The following BANP variants were observed in gnomAD, a reference collection of about 807,000 sequenced individuals.
BANP encodes protein BANP.
Under a neutral mutation model 68.1 loss-of-function variants are expected in BANP, and 11 were observed. That is an observed-to-expected ratio of 0.16 (90% CI 0.10 to 0.27). The LOEUF (loss-of-function observed/expected upper bound fraction) is 0.27. Ranked by LOEUF, BANP falls within the 10% of genes least tolerant of loss-of-function variation. BANP has a pLI of 1.00. For missense variants in BANP, 504 were observed against 722.7 expected (o/e 0.70, Z 3.47); for synonymous variants, 329 against 303.2 (o/e 1.09, Z -0.88).
chr16:88,035,055 A>T lies in BANP; in HGVS notation c.1201-268A>T. 6.7e-6 allele frequency: 3 copies of T among 450,068 alleles called. No individual in the cohort carries two copies. In the South Asian group the frequency reaches 7.2e-5, roughly 11 times the overall value. 27.9% of individuals were successfully genotyped at this position (450,068 alleles called of 1,614,324 possible). A position where few individuals can be genotyped will look rare whatever the true frequency, so the allele number is the denominator to read the frequency against. On this transcript the variant is annotated intron_variant, in intron 9 of 13. Coordinates refer to ENST00000682872, the MANE Select transcript of BANP (RefSeq NM_001386991.1). Reference sequence around the variant, plus strand: ...ATATGGGCGGGAAAAAGCATAGCATATATGGGGTTCAGCACCATCCACAGT... The same window carrying T: ...ATATGGGCGGGAAAAAGCATAGCATTTATGGGGTTCAGCACCATCCACAGT...
chr16:87,983,108 C>T (rs1388461333), intron 3 of BANP, among the ~76,000 whole-genome samples: 1 of 152,120 alleles, frequency 6.6e-6, no homozygotes, highest in East Asian at 1.9e-4. Flanking sequence ...CTTTGGACCC[C>T]ACGCTCTTTA....
intron 4 of BANP, among the ~76,000 whole-genome samples, chr16:87,997,682 C>T (rs796957260): frequency 6.7e-6 from 1 of 149,050 alleles, no homozygotes; most frequent in South Asian, 2.1e-4. Flanking sequence ...ACCATGTGTT[C>T]GTGGTAAAGT....
intron 1 of BANP, among the ~76,000 whole-genome samples, chr16:87,973,753 C>CAAAAAAA (rs58334556): frequency 1.2e-3 from 114 of 98,992 alleles, no homozygotes; most frequent in South Asian, 3.1e-3. Flanking sequence ...AACTCCATCA[C>CAAAAAAA]AAAAAAAAAA....
At chr16:87,967,898 G>A (rs1420054718) in intron 1 of BANP, among the ~76,000 whole-genome samples, 1 of 151,938 alleles carries the variant, frequency 6.6e-6, no homozygotes, top group East Asian at 1.9e-4. Flanking sequence ...TGGGATTACA[G>A]GTGTGAGCCA....
intron 4 of BANP, among the ~76,000 whole-genome samples, chr16:87,987,569 TA>T (rs944256186): frequency 6.7e-6 from 1 of 149,942 alleles, no homozygotes; most frequent in Non-Finnish European, 1.5e-5. Context: ...CACAAAAAAA[TA>T]AAAAAAATTA....
chr16:87,964,788 G>C (rs997565468), intron 1 of BANP, among the ~76,000 whole-genome samples: 1 of 152,248 alleles, frequency 6.6e-6, no homozygotes, highest in South Asian at 2.1e-4. Flanking sequence ...GGATCAGGGT[G>C]AAGGAGAGGA....
intron 11 of BANP, among the ~76,000 whole-genome samples, chr16:88,056,797 G>C (rs1476844936): frequency 2.6e-5 from 4 of 152,198 alleles, no homozygotes; most frequent in East Asian, 1.9e-4. Flanking sequence ...GTCATACCCA[G>C]TGTAGTATAC....
intron 4 of BANP, among the ~76,000 whole-genome samples, chr16:87,991,135 A>G (rs970845271): frequency 6.6e-5 from 10 of 152,232 alleles, no homozygotes; most frequent in Non-Finnish European, 1.3e-4. Context: ...AAGAAAACAT[A>G]CAGTTTACAT....
chr16:88,068,014 C>T (rs968591506), intron 12 of BANP, among the ~76,000 whole-genome samples: 2 of 150,708 alleles, frequency 1.3e-5, no homozygotes, highest in Admixed American at 6.6e-5. Flanking sequence ...GTCCGTGACA[C>T]GCCACGTGTG....
chr16:88,034,003 C>T, intron 9 of BANP, among the ~76,000 whole-genome samples: 1 of 152,144 alleles, frequency 6.6e-6, no homozygotes, highest in African/African-American at 2.4e-5. Context: ...CCCCTTGGGC[C>T]CTCTGAAGAC....
chr16:88,027,094 C>T (rs1418195825), intron 7 of BANP, among the ~76,000 whole-genome samples: 1 of 152,244 alleles, frequency 6.6e-6, no homozygotes, highest in Admixed American at 6.5e-5. Context: ...TGATCTCACC[C>T]TCTGGGCATT....
intron 1 of BANP, among the ~76,000 whole-genome samples, chr16:87,955,500 G>C (rs1001181904): frequency 1.3e-5 from 2 of 152,210 alleles, no homozygotes; most frequent in African/African-American, 4.8e-5. Flanking sequence ...ACGCCAGAAA[G>C]TTCACAGCAT....
intron 4 of BANP, among the ~76,000 whole-genome samples, chr16:87,987,571 A>T (rs1471221140): frequency 6.6e-6 from 1 of 151,722 alleles, no homozygotes; most frequent in Non-Finnish European, 1.5e-5. Context: ...CAAAAAAATA[A>T]AAAAAATTAG....
intron 2 of BANP, chr16:87,978,723 C>A (rs1166914414): frequency 2.2e-6 from 1 of 462,718 alleles, no homozygotes; most frequent in African/African-American, 2.0e-5. Context: ...AACAGTAATA[C>A]CAGTGTGTGA....
chr16:88,057,110 G>T lies in BANP; in HGVS notation c.1312-8157G>T, dbSNP rs7498330. Among the ~76,000 whole-genome samples the T allele has an allele frequency of 0.079, 11,954 of 152,258 alleles. 674 individuals carry two copies. The highest frequency in any genetic ancestry group is 0.12 in the Non-Finnish European group (8,363 of 68,008). On this transcript the variant is annotated intron_variant, in intron 11 of 13. Transcript: ENST00000682872. This position sits in a 1 kb window ranked among gnomAD's most constrained non-coding sequence, Gnocchi z 4.6. Reference sequence around the variant, plus strand: ...AGGGAGTTTTGGTGATTCTTTGGGTGTTCTGAGACTTTTCTGTTGCCGTTG... The same window carrying T: ...AGGGAGTTTTGGTGATTCTTTGGGTTTTCTGAGACTTTTCTGTTGCCGTTG...
chr16:88,066,153 G>A (rs1287528485), intron 12 of BANP, among the ~76,000 whole-genome samples: 1 of 152,182 alleles, frequency 6.6e-6, no homozygotes. Context: ...GAGCACCGAG[G>A]GCTCCAAAGA....
chr16:87,953,203 G>A (rs369622199), intron 1 of BANP, among the ~76,000 whole-genome samples: 1 of 147,928 alleles, frequency 6.8e-6, no homozygotes, highest in South Asian at 2.2e-4. Flanking sequence ...AAAAAAAAAA[G>A]CCCATATATT....
intron 13 of BANP, among the ~76,000 whole-genome samples, chr16:88,074,349 G>C (rs566998058): frequency 6.6e-6 from 1 of 152,310 alleles, no homozygotes; most frequent in African/African-American, 2.4e-5. Context: ...CCTTAGGAGG[G>C]AAGGCAGGTA....
Position 88,006,281 on chromosome 16 carries a change from C to A in BANP, c.655+16C>A. On this transcript the variant is annotated intron_variant, in intron 6 of 13. Coordinates refer to ENST00000682872, the MANE Select transcript of BANP (RefSeq NM_001386991.1). Reference sequence around the variant, plus strand: ...AACTCGGAAGGTGCGTCCAGGGCGGCTTTCCTCGGCCAGAGCGCCAGTACA... The same window carrying A: ...AACTCGGAAGGTGCGTCCAGGGCGGATTTCCTCGGCCAGAGCGCCAGTACA... 1.9e-6 allele frequency: 3 copies of A among 1,573,996 alleles called. No individual in the cohort carries two copies. The highest frequency in any genetic ancestry group is 2.6e-6 in the Non-Finnish European group (3 of 1,159,308).
Sources: allele counts gnomAD v4.1 joint callset (sites outside exome capture counted in the v4.1 genomes callset), GRCh38; gene constraint gnomAD v4.1.1; non-coding constraint Gnocchi (gnomAD v3.1); transcripts MANE v1.5; gene names NCBI Gene and HGNC (gene_info 2026-07-23, HGNC 2026-07-21).